The following BRINP3 variants were observed in gnomAD, a reference collection of about 807,000 sequenced individuals.
The protein encoded by BRINP3 is BMP/retinoic acid inducible neural specific 3.
Under a neutral mutation model 71.0 loss-of-function variants are expected in BRINP3, and 19 were observed. The observed-to-expected ratio is 0.27, with a 90% confidence interval of 0.19 to 0.39. BRINP3 has a LOEUF of 0.39. Among genes scored for constraint, BRINP3 ranks in the 10% least tolerant of loss-of-function variants. The pLI is 1.00. For synonymous variants in BRINP3, 380 were observed against 337.7 expected (o/e 1.13, Z -1.37); for missense variants, 959 against 940.8 (o/e 1.02, Z -0.25).
chr1:190,414,587 C>T (rs1300509892), intron 2 of BRINP3, among the ~76,000 whole-genome samples: 4 of 152,118 alleles, frequency 2.6e-5, no homozygotes, highest in Non-Finnish European at 5.9e-5. Context: ...ATCTGTTGGG[C>T]CAATATTCTA....
chr1:190,403,718 A>G (rs1672086654), intron 2 of BRINP3, among the ~76,000 whole-genome samples: 1 of 152,206 alleles, frequency 6.6e-6, no homozygotes, highest in Non-Finnish European at 1.5e-5. Flanking sequence ...GATAAATTGT[A>G]AAGTATTGAA....
intron 6 of BRINP3, among the ~76,000 whole-genome samples, chr1:190,176,232 C>T (rs1371222434): frequency 1.3e-5 from 2 of 152,122 alleles, no homozygotes; most frequent in African/African-American, 2.4e-5. Flanking sequence ...GGAAAGATGA[C>T]CCAACTGTAC....
At chr1:190,432,818 G>A (rs1344767674) in intron 2 of BRINP3, among the ~76,000 whole-genome samples, 1 of 152,154 alleles carries the variant, frequency 6.6e-6, no homozygotes. Flanking sequence ...TCCAGAAGCT[G>A]AAATTTACCT....
chr1:190,168,605 A>C (rs1196106035), intron 6 of BRINP3, among the ~76,000 whole-genome samples: 1 of 152,202 alleles, frequency 6.6e-6, no homozygotes, highest in East Asian at 1.9e-4. Flanking sequence ...AGTAAGATCA[A>C]TTAAGACAAA....
intron 1 of BRINP3, chr1:190,475,763 C>T (rs890688117): frequency 1.6e-4 from 24 of 152,198 alleles, no homozygotes; most frequent in African/African-American, 5.5e-4. Flanking sequence ...AGGTATAATA[C>T]AGCAAAACGC....
chr1:190,243,836 C>T (rs983844193), intron 4 of BRINP3, among the ~76,000 whole-genome samples: 2 of 152,094 alleles, frequency 1.3e-5, no homozygotes, highest in Non-Finnish European at 2.9e-5. Context: ...AAAGTGTAAT[C>T]TAAAGCAGTG....
chr1:190,252,888 C>T (rs548845629), intron 4 of BRINP3, among the ~76,000 whole-genome samples: 1 of 151,962 alleles, frequency 6.6e-6, no homozygotes, highest in Non-Finnish European at 1.5e-5. Context: ...GCCATTAACT[C>T]GTCATTTACA....
chr1:190,350,226 T>C (rs1051714262), intron 2 of BRINP3, among the ~76,000 whole-genome samples: 3 of 152,102 alleles, frequency 2.0e-5, no homozygotes, highest in African/African-American at 7.2e-5. Flanking sequence ...TTCATCGCTC[T>C]ACAAATCTCC....
intron 6 of BRINP3, among the ~76,000 whole-genome samples, chr1:190,221,176 C>A (rs1002989109): frequency 1.3e-5 from 2 of 152,106 alleles, no homozygotes; most frequent in African/African-American, 4.8e-5. Context: ...TGAGATCGCA[C>A]CACTACACTC....
chr1:190,181,523 T>G (rs927333053), intron 6 of BRINP3, among the ~76,000 whole-genome samples: 29 of 152,052 alleles, frequency 1.9e-4, no homozygotes, highest in Admixed American at 1.9e-3. Context: ...GATTTACCTG[T>G]AGTATTTTAG....
chr1:190,210,308 TATCTC>T (rs1655875080), intron 6 of BRINP3, among the ~76,000 whole-genome samples: 2 of 152,128 alleles, frequency 1.3e-5, no homozygotes, highest in African/African-American at 2.4e-5. Flanking sequence ...TATTTATTGA[TATCTC>T]TTCACTATAG....
chr1:190,371,842 T>C (rs1669887933), intron 2 of BRINP3, among the ~76,000 whole-genome samples: 1 of 152,062 alleles, frequency 6.6e-6, no homozygotes, highest in Non-Finnish European at 1.5e-5. Flanking sequence ...CCTGAAGACA[T>C]TCAGAGAGTC....
chr1:190,458,664 C>G (rs925202210), intron 1 of BRINP3, among the ~76,000 whole-genome samples: 2 of 151,794 alleles, frequency 1.3e-5, no homozygotes, highest in Non-Finnish European at 2.9e-5. Context: ...TTGTTTGTTA[C>G]GATGTAGTGT....
In BRINP3 at chr1:190,402,383, C is replaced by A. The variant is rs573497636; in HGVS notation, c.236+52272G>T. ...AAATATTAATGGTGTGTAATAACTCCTTATTGTAAATTAAAATTAGTTACA... is the reference window on the plus strand; with the variant it reads ...AAATATTAATGGTGTGTAATAACTCATTATTGTAAATTAAAATTAGTTACA... On this transcript the variant is annotated intron_variant, in intron 2 of 7. Transcript: ENST00000367462. Among the ~76,000 whole-genome samples the A allele has an allele frequency of 5.9e-5, 9 of 152,068 alleles. No homozygotes were observed. The South Asian group carries it at 1.0e-3, about 18-fold the overall frequency.
At chr1:190,464,722 TTC>T (rs1401838899) in intron 1 of BRINP3, among the ~76,000 whole-genome samples, 1 of 152,038 alleles carries the variant, frequency 6.6e-6, no homozygotes, top group Non-Finnish European at 1.5e-5. Context: ...TCTTTTTTAT[TTC>T]TTTCTCAAAA....
Position 190,098,329 on chromosome 1 carries a change from T to G in BRINP3, c.1990A>C (p.Asn664His). 4 of 1,614,164 alleles carry G rather than the reference T, an allele frequency of 2.5e-6. No homozygotes were observed. Among genetic ancestry groups the G allele is most frequent in the Non-Finnish European group, 8.5e-7 (1 of 1,180,024 alleles). Residue 664 changes from asparagine (N) to histidine (H), a missense_variant, in exon 8 of 8, where the codon AAT becomes CAT. Physicochemically the swap from Asn to His is moderately conservative, Grantham distance 68 (BLOSUM62 1). Transcript: ENST00000367462. Reference protein sequence around the residue: ...PSRNLGYMKINNIQVFGYSMH... With the variant: ...PSRNLGYMKIHNIQVFGYSMH... ...CTGTAGCCAAACACTTGAATGTTAT[T>G]GATTTTCATATAGCCCAGGTTCCGG...
At chr1:190,221,384 T>C (rs897233998) in intron 6 of BRINP3, among the ~76,000 whole-genome samples, 1 of 152,188 alleles carries the variant, frequency 6.6e-6, no homozygotes, top group Non-Finnish European at 1.5e-5. Flanking sequence ...TTACTATATC[T>C]ATAAGATGAT....
chr1:190,223,153 C>T (rs550151485), intron 6 of BRINP3, among the ~76,000 whole-genome samples: 2 of 151,972 alleles, frequency 1.3e-5, no homozygotes, highest in African/African-American at 2.4e-5. Context: ...GAAGGTAATA[C>T]TCCAAACTCA....
chr1:190,422,097 A>T (rs536814900), intron 2 of BRINP3, among the ~76,000 whole-genome samples: 1 of 151,752 alleles, frequency 6.6e-6, no homozygotes, highest in Non-Finnish European at 1.5e-5. Flanking sequence ...TGACCTGAGG[A>T]TAATTCTTTA....
Sources: allele counts gnomAD v4.1 joint callset (sites outside exome capture counted in the v4.1 genomes callset), GRCh38; gene constraint gnomAD v4.1.1; transcripts MANE v1.5; gene names NCBI Gene and HGNC (gene_info 2026-07-23, HGNC 2026-07-21).